Variants in ENTHD1 observed in about 807,000 individuals in gnomAD.
ENTHD1 encodes the protein ENTH domain-containing protein 1.
A neutral mutation model predicts 39.1 loss-of-function variants in ENTHD1; 23 were observed. That is an observed-to-expected ratio of 0.59 (90% confidence interval 0.42 to 0.83). The LOEUF (loss-of-function observed/expected upper bound fraction) is 0.83. Among genes scored for constraint, ENTHD1 ranks in the 40% least tolerant of loss-of-function variants. The probability of loss-of-function intolerance (pLI) is 0.00; values close to 1 mark genes in which losing one functional copy is unlikely to be tolerated. For synonymous variants in ENTHD1, 230 were observed against 258.2 expected (o/e 0.89, Z 1.05); for missense variants, 624 against 705.4 (o/e 0.88, Z 1.31).
At chr22:39,869,983 CTTTATTTATTTA>C (rs137943) in intron 2 of ENTHD1, among the ~76,000 whole-genome samples, 56 of 140,698 alleles carry the variant, frequency 4.0e-4, no homozygotes, top group South Asian at 1.2e-3. Flanking sequence ...GAGAACAGTA[CTTTATTTATTTA>C]TTTATTTATT....
Position 39,766,182 on chromosome 22 carries a change from G to A in ENTHD1, c.833-573C>T, listed in dbSNP as rs559730143. Among the ~76,000 whole-genome samples, 22 of 152,044 alleles carry A rather than the reference G, an allele frequency of 1.4e-4. 1 individual carries two copies. Among genetic ancestry groups the A allele is most frequent in the Admixed American group, 2.6e-4 (4 of 15,260 alleles). On this transcript the variant is annotated intron_variant, in intron 5 of 6. Transcript: ENST00000325157. ...ATTTTAATAAATGCTTTGTCTATAC[G>A]GAAGAAAGGAAACAATCTTTCAGAG...
chr22:39,766,019 C>CAGAAAAAAAAAAAAAAA (rs2065273901), intron 5 of ENTHD1, among the ~76,000 whole-genome samples: 1 of 48,340 alleles, frequency 2.1e-5, no homozygotes, highest in African/African-American at 7.4e-5. Context: ...CCCTCAGCTA[C>CAGAAAAAAAAAAAAAAA]AAAAAAAAAA....
chr22:39,836,542 G>C (rs1254337871), intron 3 of ENTHD1, among the ~76,000 whole-genome samples: 1 of 152,154 alleles, frequency 6.6e-6, no homozygotes, highest in Non-Finnish European at 1.5e-5. Context: ...GTGTGAATTT[G>C]ATGTGTTCTA....
At chr22:39,803,862 A>G (rs2065619131) in intron 5 of ENTHD1, among the ~76,000 whole-genome samples, 1 of 152,236 alleles carries the variant, frequency 6.6e-6, no homozygotes, top group Non-Finnish European at 1.5e-5. Flanking sequence ...AAGTGTTTCA[A>G]CAAAGAATCA....
At chr22:39,768,862 A>G (rs2065299044) in intron 5 of ENTHD1, among the ~76,000 whole-genome samples, 1 of 152,112 alleles carries the variant, frequency 6.6e-6, no homozygotes, top group Non-Finnish European at 1.5e-5. Flanking sequence ...ACTGTATTAA[A>G]TGCAGGAGAT....
intron 3 of ENTHD1, among the ~76,000 whole-genome samples, chr22:39,851,049 T>C (rs1185024200): frequency 6.6e-6 from 1 of 152,208 alleles, no homozygotes; most frequent in Non-Finnish European, 1.5e-5. Flanking sequence ...CGTTTTTTTA[T>C]TCATCTATAA....
chr22:39,755,096 A>G (rs75963052), intron 6 of ENTHD1, among the ~76,000 whole-genome samples: 1,875 of 152,360 alleles, frequency 0.012, 20 homozygotes, highest in Non-Finnish European at 0.02. Context: ...GCAATAAGAA[A>G]CAGCAGACAC....
At chr22:39,813,163 C>T (rs1381203308) in intron 5 of ENTHD1, among the ~76,000 whole-genome samples, 2 of 152,134 alleles carry the variant, frequency 1.3e-5, no homozygotes, top group African/African-American at 2.4e-5. Flanking sequence ...CCAGCACCAC[C>T]GTTTGTACAC....
chr22:39,832,497 C>A (rs140672491), intron 4 of ENTHD1, among the ~76,000 whole-genome samples: 36 of 151,992 alleles, frequency 2.4e-4, no homozygotes, highest in Admixed American at 4.6e-4. Context: ...GTATATTTAA[C>A]GGAAATTAAG....
At chr22:39,791,499 A>G (rs2065504082) in intron 5 of ENTHD1, among the ~76,000 whole-genome samples, 1 of 151,880 alleles carries the variant, frequency 6.6e-6, no homozygotes, top group African/African-American at 2.4e-5. Flanking sequence ...GGTTCAAGCA[A>G]TTCTCATGCC....
chr22:39,849,539 C>A (rs1418243222), intron 3 of ENTHD1, among the ~76,000 whole-genome samples: 4 of 152,192 alleles, frequency 2.6e-5, no homozygotes, highest in Non-Finnish European at 4.4e-5. Flanking sequence ...TTTTGATAAA[C>A]ATGGAATATC....
At chr22:39,820,751 T>G (rs1434743830) in intron 5 of ENTHD1, among the ~76,000 whole-genome samples, 1 of 152,138 alleles carries the variant, frequency 6.6e-6, no homozygotes, top group Non-Finnish European at 1.5e-5. Context: ...TTAAAACTAC[T>G]TGTAAAAGAG....
chr22:39,840,518 A>G (rs1281689348), intron 3 of ENTHD1, among the ~76,000 whole-genome samples: 1 of 152,246 alleles, frequency 6.6e-6, no homozygotes, highest in African/African-American at 2.4e-5. Flanking sequence ...TTTATTATTT[A>G]GCATATAATA....
rs2066066334 is a variant in ENTHD1 at position 39,854,178 on chromosome 22, CA to C, written c.592+7586del. Among the ~76,000 whole-genome samples, 4 of 152,174 alleles carry C rather than the reference CA, an allele frequency of 2.6e-5. No individual in the cohort carries two copies. The South Asian group carries it at 8.3e-4, about 32-fold the overall frequency. On this transcript the variant is annotated intron_variant, in intron 3 of 6. Transcript: ENST00000325157. ...AGAACATGGAGAAAGCCCAGGCAGACAGGGGGAGAGTGTGCAAACTCCACAC... is the reference window on the plus strand; with the variant it reads ...AGAACATGGAGAAAGCCCAGGCAGACGGGGGAGAGTGTGCAAACTCCACAC...
intron 4 of ENTHD1, among the ~76,000 whole-genome samples, chr22:39,835,457 A>G (rs561660949): frequency 6.6e-6 from 1 of 152,298 alleles, no homozygotes; most frequent in East Asian, 1.9e-4. Flanking sequence ...AGAAGAAAAA[A>G]TAAGAGATTT....
chr22:39,793,495 A>G (rs985626769), intron 5 of ENTHD1, among the ~76,000 whole-genome samples: 3 of 152,132 alleles, frequency 2.0e-5, no homozygotes, highest in Non-Finnish European at 2.9e-5. Flanking sequence ...TTTTCAGTTT[A>G]ACATAATCCC....
chr22:39,797,719 GC>G (rs2065562238), intron 5 of ENTHD1, among the ~76,000 whole-genome samples: 3 of 152,072 alleles, frequency 2.0e-5, no homozygotes, highest in Admixed American at 1.3e-4. Context: ...AGTATTCTTG[GC>G]TGGAAAGTTT....
At chr22:39,758,669 T>C (rs1282010759) in intron 6 of ENTHD1, among the ~76,000 whole-genome samples, 1 of 152,164 alleles carries the variant, frequency 6.6e-6, no homozygotes, top group African/African-American at 2.4e-5. Context: ...CAACTGATCC[T>C]CCTGCCTTGG....
At chr22:39,892,780 C>T (rs1047628423) in intron 1 of ENTHD1, among the ~76,000 whole-genome samples, 7 of 152,204 alleles carry the variant, frequency 4.6e-5, no homozygotes, top group Non-Finnish European at 8.8e-5. Context: ...TGTACAGGTT[C>T]TGCCTATAGA....
Sources: gnomAD v4.1 joint callset for allele counts (sites outside exome capture counted in the v4.1 genomes callset) on GRCh38, gnomAD v4.1.1 for gene constraint, MANE v1.5 for transcripts, NCBI Gene and HGNC (gene_info 2026-07-23, HGNC 2026-07-21) for gene names.